Variants in LYSMD4 observed in about 807,000 individuals in gnomAD.
LYSMD4 encodes the protein LysM domain containing 4.
LYSMD4 carries 9 observed loss-of-function variants against 6.1 expected under a neutral mutation model. That is an observed-to-expected ratio of 1.47 (90% CI 0.88 to 2.56). The LOEUF (loss-of-function observed/expected upper bound fraction) is 2.56, where lower values mean the gene tolerates loss of function less well. LYSMD4 is among the 30% of genes most tolerant of loss of function. The probability of loss-of-function intolerance (pLI) is 0.00; values close to 1 mark genes in which losing one functional copy is unlikely to be tolerated. For synonymous variants in LYSMD4, 143 were observed against 148.5 expected, an observed-to-expected ratio of 0.96 and a Z score of 0.27; for missense variants, 384 against 373.5, an observed-to-expected ratio of 1.03 and a Z score of -0.23.
At chr15:99,716,536 G>A in exon 2 of LYSMD4, 1 of 456,798 alleles carries the variant, frequency 2.2e-6, no homozygotes, top group Non-Finnish European at 4.4e-6. Flanking sequence ...CGCTGGCTTT[G>A]CCACCAGGCA....
intron 2 of LYSMD4, 99 bp downstream of exon 2, chr15:99,731,619 C>A: frequency 6.6e-7 from 1 of 1,522,736 alleles, no homozygotes. Context: ...TCCTGACGGC[C>A]TGGCAGGGTT....
upstream of LYSMD4, among the ~76,000 whole-genome samples, chr15:99,720,230 G>A (rs1022115401): frequency 2.6e-5 from 4 of 152,172 alleles, no homozygotes; most frequent in Admixed American, 1.3e-4. Flanking sequence ...AGTCACCCAC[G>A]TACTCTTGTT....
At position 99,731,881 on chromosome 15, in the gene LYSMD4, T is replaced by A. The variant is rs376417906; in HGVS notation, c.119A>T (p.Glu40Val). Residue 40 changes from glutamate (E) to valine (V), a missense_variant, in exon 2 of 3, where the codon GAA becomes GTA. Transcript: ENST00000684762. ...CAAAACCACACGGTGAGACTCTTCT[T>A]CAGAAGAGTCCCCCGAGTCCCCACT... ...NGSGDSGDSS[E>V]EESHRVVLRP... 6 of 1,613,484 alleles carry A rather than the reference T, an allele frequency of 3.7e-6. No individual in the cohort carries two copies. The highest frequency in any genetic ancestry group is 5.1e-6 in the Non-Finnish European group (6 of 1,180,040).
chr15:99,731,540 TA>T, intron 2 of LYSMD4, 177 bp downstream of exon 2: 1 of 1,545,858 alleles, frequency 6.5e-7, no homozygotes. Flanking sequence ...GGTTGGGAAC[TA>T]AAGGTACTCC....
chr15:99,718,841 T>G (rs2059214810), upstream of LYSMD4, among the ~76,000 whole-genome samples: 1 of 152,170 alleles, frequency 6.6e-6, no homozygotes, highest in Admixed American at 6.5e-5. Context: ...ATGTGCTTAT[T>G]GTTACCAGGG....
At chr15:99,730,286 G>T (rs1250688854) in intron 2 of LYSMD4, among the ~76,000 whole-genome samples, 2 of 152,188 alleles carry the variant, frequency 1.3e-5, no homozygotes, top group Non-Finnish European at 2.9e-5. Flanking sequence ...GAAACACTGT[G>T]GGGCATGTAA....
At chr15:99,723,736 C>A (rs551090509), downstream of LYSMD4, among the ~76,000 whole-genome samples, 1 of 152,306 alleles carries the variant, frequency 6.6e-6, no homozygotes, top group Admixed American at 6.5e-5. Flanking sequence ...TGTCATGCAT[C>A]GCCTGTATCA....
chr15:99,732,121 A>G, intron 1 of LYSMD4, 114 bp from the exon 2 acceptor site: 1 of 1,101,754 alleles, frequency 9.1e-7, no homozygotes, highest in Non-Finnish European at 1.3e-6. Flanking sequence ...CGCTGCAAAT[A>G]CTCAGCATAC....
rs765830315 is a variant in LYSMD4, at chr15:99,731,855, G to A, written c.145C>T (p.Arg49Trp). 6 of 1,613,204 alleles carry A rather than the reference G, an allele frequency of 3.7e-6. No individual in the cohort carries two copies. Among genetic ancestry groups the A allele is most frequent in the Middle Eastern group, 1.7e-4 (1 of 5,750 alleles). Residue 49 changes from arginine to tryptophan, a missense_variant, in exon 2 of 3, where the codon CGG becomes TGG. Arg to Trp is a moderately radical substitution (Grantham distance 101). Coordinates refer to ENST00000684762, the MANE Select transcript of LYSMD4 (RefSeq NM_001284417.2). ...SEEESHRVVL[R>W]PRGKERHKSG... is the part of the protein sequence containing the mutation. ...TTGTGGCGCTCCTTGCCCCGGGGCCGCAAAACCACACGGTGAGACTCTTCT... is the reference window on the plus strand; with the variant it reads ...TTGTGGCGCTCCTTGCCCCGGGGCCACAAAACCACACGGTGAGACTCTTCT...
chr15:99,731,913 C>T lies in LYSMD4; in HGVS notation c.87G>A (p.Lys29=). The T allele has an allele frequency of 6.2e-7, 1 of 1,613,488 alleles. No homozygotes were observed. Among genetic ancestry groups the T allele is most frequent in the Non-Finnish European group, 8.5e-7 (1 of 1,179,992 alleles). ...AGTCCCCCGAGTCCCCACTGCCATT[C>T]TTAAACATGTATACGTGGCTGGTCG... ...GTPTSHVYMF[K]NGSGDSGDSS... is the part of the protein sequence containing the mutation. The change falls in exon 2 of 3, where the codon AAG becomes AAA. Residue 29 remains lysine (K), a synonymous_variant. Coordinates refer to ENST00000684762, the MANE Select transcript of LYSMD4 (RefSeq NM_001284417.2).
downstream of LYSMD4, among the ~76,000 whole-genome samples, chr15:99,722,805 C>T (rs887948206): frequency 6.6e-6 from 1 of 152,072 alleles, no homozygotes; most frequent in Non-Finnish European, 1.5e-5. Context: ...GAGGCTGGGG[C>T]GGGCGGATCA....
chr15:99,722,792 T>C (rs2059247163), downstream of LYSMD4, among the ~76,000 whole-genome samples: 1 of 152,108 alleles, frequency 6.6e-6, no homozygotes, highest in Non-Finnish European at 1.5e-5. Flanking sequence ...GCCAGCACTT[T>C]GGGAGGCTGG....
downstream of LYSMD4, among the ~76,000 whole-genome samples, chr15:99,722,703 T>C (rs2059246434): frequency 6.6e-6 from 1 of 152,128 alleles, no homozygotes; most frequent in Non-Finnish European, 1.5e-5. Context: ...TTTAAAAGAC[T>C]CCAACAGAAC....
At chr15:99,731,207 ATAAT>A (rs775491844) in intron 2 of LYSMD4, 1 of 1,612,662 alleles carries the variant, frequency 6.2e-7, no homozygotes, top group Non-Finnish European at 8.5e-7. Context: ...TGCTGAAAAC[ATAAT>A]TAGAGAAAAA....
chr15:99,717,430 G>A (rs1311334232), exon 1 of LYSMD4: 1 of 152,188 alleles, frequency 6.6e-6, no homozygotes, highest in East Asian at 1.9e-4. Context: ...GTGCTCACAA[G>A]CAGCCCGAGG....
At chr15:99,726,921 C>T, downstream of LYSMD4, among the ~76,000 whole-genome samples, 1 of 152,144 alleles carries the variant, frequency 6.6e-6, no homozygotes, top group East Asian at 1.9e-4. Context: ...CACTGGTCAC[C>T]ACTTTGTCCT....
At chr15:99,719,696 A>T (rs114538043), upstream of LYSMD4, among the ~76,000 whole-genome samples, 259 of 152,258 alleles carry the variant, frequency 1.7e-3, no homozygotes, top group African/African-American at 4.8e-3. Context: ...GTATATTTGT[A>T]TTTTTAAAGA....
rs2059475035 is a variant in LYSMD4, at chr15:99,733,398, C to CTG, written c.-63_-62insCA. 5.1e-6 allele frequency: 2 copies of CTG among 395,742 alleles called. No individual in the cohort carries two copies. Among genetic ancestry groups the CTG allele is most frequent in the African/African-American group, 4.1e-5 (2 of 48,430 alleles). The allele number at this position is 395,742 out of a possible 1,614,324, so 24.5% of individuals were successfully genotyped here. On this transcript the variant is annotated 5_prime_UTR_variant, in exon 1 of 3. Transcript: ENST00000684762. ...CGACCGGCGACTCGCGACCCGCGACCCGCGACCCGCAGCTGCCACCGCGCC... is the reference window on the plus strand; with the variant it reads ...CGACCGGCGACTCGCGACCCGCGACCTGCGCGACCCGCAGCTGCCACCGCGCC...
downstream of LYSMD4, among the ~76,000 whole-genome samples, chr15:99,725,221 G>C (rs182998417): frequency 6.6e-6 from 1 of 152,252 alleles, no homozygotes; most frequent in Admixed American, 6.5e-5. Context: ...TCTAGAATGT[G>C]TCTAGACTTC....
Sources: gnomAD v4.1 joint callset for allele counts (sites outside exome capture counted in the v4.1 genomes callset) on GRCh38, gnomAD v4.1.1 for gene constraint, MANE v1.5 for transcripts, NCBI Gene and HGNC (gene_info 2026-07-23, HGNC 2026-07-21) for gene names.